The following FOXP1 variants were observed in gnomAD, a reference collection of about 807,000 sequenced individuals.
FOXP1 encodes the protein forkhead box P1.
Under a neutral mutation model 98.2 loss-of-function variants are expected in FOXP1, and 15 were observed. That is an observed-to-expected ratio of 0.15 (90% CI 0.10 to 0.24). FOXP1 has a LOEUF of 0.24. Ranked by LOEUF, FOXP1 falls within the 10% of genes least tolerant of loss-of-function variation. FOXP1 has a pLI of 1.00. For synonymous variants in FOXP1, 371 were observed against 314.5 expected, an observed-to-expected ratio of 1.18 and a Z score of -1.90; for missense variants, 633 against 848.5, an observed-to-expected ratio of 0.75 and a Z score of 3.15.
upstream of FOXP1, chr3:71,583,814 G>A: frequency 4.1e-6 from 4 of 986,946 alleles, no homozygotes; most frequent in Non-Finnish European, 4.8e-6. Flanking sequence ...CGGTGGCGGC[G>A]GCGGCGGCGG....
chr3:71,238,547 G>T (rs2066987625), intron 5 of FOXP1, among the ~76,000 whole-genome samples: 1 of 152,180 alleles, frequency 6.6e-6, no homozygotes, highest in South Asian at 2.1e-4. Context: ...AGACCTAACA[G>T]CTGTCTGACC....
At chr3:71,214,017 T>C (rs1207313286) in intron 5 of FOXP1, among the ~76,000 whole-genome samples, 3 of 152,142 alleles carry the variant, frequency 2.0e-5, no homozygotes, top group Admixed American at 6.5e-5. Context: ...AGAATGCAGA[T>C]ATTGTCCCTA....
chr3:71,446,680 T>C (rs1161994291), intron 3 of FOXP1, among the ~76,000 whole-genome samples: 1 of 152,220 alleles, frequency 6.6e-6, no homozygotes, highest in Non-Finnish European at 1.5e-5. Context: ...AAAGACAAAA[T>C]TATATGCCTC....
chr3:71,231,000 T>C (rs1043235205), intron 5 of FOXP1, among the ~76,000 whole-genome samples: 2 of 152,212 alleles, frequency 1.3e-5, no homozygotes, highest in African/African-American at 4.8e-5. Context: ...ACTATCCAGA[T>C]ACTTGTTTTT....
chr3:71,553,799 T>C (rs2045936683), intron 2 of FOXP1, among the ~76,000 whole-genome samples: 1 of 152,232 alleles, frequency 6.6e-6, no homozygotes, highest in Non-Finnish European at 1.5e-5. Flanking sequence ...ACCTAACTGA[T>C]AGCTCAAGTA....
At chr3:71,503,149 G>A (rs1260304759) in intron 2 of FOXP1, among the ~76,000 whole-genome samples, 1 of 152,130 alleles carries the variant, frequency 6.6e-6, no homozygotes, top group Non-Finnish European at 1.5e-5. Context: ...TGTTTACATA[G>A]AGGCATCAGA....
chr3:71,015,903 G>A (rs1192918716), intron 11 of FOXP1, among the ~76,000 whole-genome samples: 3 of 152,174 alleles, frequency 2.0e-5, no homozygotes, highest in African/African-American at 4.8e-5. Flanking sequence ...GTGTTTGACA[G>A]GCTTTTGTTA....
At chr3:71,106,773 ATTTT>A (rs59989388) in intron 7 of FOXP1, among the ~76,000 whole-genome samples, 41 of 136,850 alleles carry the variant, frequency 3.0e-4, no homozygotes, top group Non-Finnish European at 3.6e-4. Context: ...TCAAATAGGG[ATTTT>A]TTTTTTTTTT....
intron 2 of FOXP1, among the ~76,000 whole-genome samples, chr3:71,531,352 A>G (rs2043830865): frequency 1.3e-5 from 2 of 152,182 alleles, no homozygotes. Flanking sequence ...GCAAGAAGCC[A>G]CTCAGCTATC....
intron 12 of FOXP1, among the ~76,000 whole-genome samples, chr3:71,001,434 G>A (rs1203244995): frequency 2.0e-5 from 3 of 152,178 alleles, no homozygotes; most frequent in Non-Finnish European, 4.4e-5. Flanking sequence ...GAACAGGATC[G>A]TCTGACCACA....
chr3:71,416,584 A>G (rs1476077817), intron 3 of FOXP1, among the ~76,000 whole-genome samples: 4 of 130,848 alleles, frequency 3.1e-5, no homozygotes, highest in African/African-American at 7.9e-5. Context: ...ACACACACAC[A>G]CACACACACG....
chr3:71,525,930 A>G (rs1213041125), intron 2 of FOXP1, among the ~76,000 whole-genome samples: 1 of 152,136 alleles, frequency 6.6e-6, no homozygotes, highest in Non-Finnish European at 1.5e-5. Flanking sequence ...AGCCTGGCCA[A>G]CATGGTAAAA....
chr3:71,112,891 G>C (rs781131716), intron 6 of FOXP1, among the ~76,000 whole-genome samples: 3 of 152,064 alleles, frequency 2.0e-5, no homozygotes, highest in Non-Finnish European at 4.4e-5. Flanking sequence ...TCCTACTAAA[G>C]ATCTGACATG....
In FOXP1 at chr3:71,033,613, A is replaced by C. The variant is rs1314826370; in HGVS notation, c.869+7715T>G. 4.4e-4 allele frequency among the ~76,000 whole-genome samples: 66 copies of C among 150,652 alleles called. 1 individual carries two copies. Among genetic ancestry groups the C allele is most frequent in the Middle Eastern group, 3.5e-3 (1 of 288 alleles). ...ACAAAGTGAACAGTCAAAAAAAAAAAAAAAAAAAAAAAAACAACCCATAAA... is the reference window on the plus strand; with the variant it reads ...ACAAAGTGAACAGTCAAAAAAAAAACAAAAAAAAAAAAAACAACCCATAAA... On this transcript the variant is annotated intron_variant, in intron 11 of 20. Coordinates refer to ENST00000649528, the MANE Select transcript of FOXP1 (RefSeq NM_001349338.3).
chr3:71,391,344 TAAAC>T (rs1343018825), intron 3 of FOXP1, among the ~76,000 whole-genome samples: 1 of 152,314 alleles, frequency 6.6e-6, no homozygotes, highest in Admixed American at 6.5e-5. Flanking sequence ...CCTAACTAAA[TAAAC>T]AAAGACTGCC....
At chr3:71,038,929 G>C (rs552641749) in intron 11 of FOXP1, among the ~76,000 whole-genome samples, 1 of 152,232 alleles carries the variant, frequency 6.6e-6, no homozygotes, top group South Asian at 2.1e-4. Context: ...GCCTCACAAA[G>C]TGCTGAGATT....
chr3:71,060,596 TG>T, intron 7 of FOXP1, among the ~76,000 whole-genome samples: 1 of 152,266 alleles, frequency 6.6e-6, no homozygotes, highest in Non-Finnish European at 1.5e-5. Context: ...CTGCCACAAC[TG>T]TAACAGGTTA....
chr3:71,575,573 T>TCTGTG (rs1379540523), intron 2 of FOXP1, among the ~76,000 whole-genome samples: 1 of 152,188 alleles, frequency 6.6e-6, no homozygotes, highest in Non-Finnish European at 1.5e-5. Flanking sequence ...CACTTCCATC[T>TCTGTG]CTGTGCTCAC....
chr3:71,271,306 A>G (rs2070326442), intron 5 of FOXP1, among the ~76,000 whole-genome samples: 1 of 152,242 alleles, frequency 6.6e-6, no homozygotes, highest in Non-Finnish European at 1.5e-5. Context: ...GTAGGGAGAG[A>G]GAAAAGACAA....
Sources: allele counts gnomAD v4.1 joint callset (sites outside exome capture counted in the v4.1 genomes callset), GRCh38; gene constraint gnomAD v4.1.1; transcripts MANE v1.5; gene names NCBI Gene and HGNC (gene_info 2026-07-23, HGNC 2026-07-21).